Variants in CAMTA1 observed in about 807,000 individuals in gnomAD.
CAMTA1 encodes calmodulin-binding transcription activator 1.
Under a neutral mutation model 170.9 loss-of-function variants are expected in CAMTA1, and 27 were observed. That is an observed-to-expected ratio of 0.16 (90% CI 0.12 to 0.22). The LOEUF is 0.22. Among genes scored for constraint, CAMTA1 ranks in the 10% least tolerant of loss-of-function variants. The pLI, the probability that CAMTA1 is intolerant of heterozygous loss-of-function variation, is 1.00. For missense variants in CAMTA1, 1,619 were observed against 2,217.2 expected (o/e 0.73, Z 5.42); for synonymous variants, 833 against 891.5 (o/e 0.93, Z 1.17).
At chr1:6,959,194 G>A (rs953073638) in intron 3 of CAMTA1, among the ~76,000 whole-genome samples, 10 of 152,212 alleles carry the variant, frequency 6.6e-5, no homozygotes, top group African/African-American at 2.4e-4. Flanking sequence ...GATATCCAGG[G>A]GAAATCACAG....
rs920009216 is a variant in CAMTA1 at position 7,050,991 on chromosome 1, G to A, written c.235-40313G>A. 6.6e-6 allele frequency among the ~76,000 whole-genome samples: 1 copy of A among 152,198 alleles called. No individual in the cohort carries two copies. Among genetic ancestry groups the A allele is most frequent in the African/African-American group, 2.4e-5 (1 of 41,436 alleles). ...TGACTGTGCTGCCTCTTTCCGGGGT[G>A]TAATTTGAGTTTGCATGTGGAACGA... On this transcript the variant is annotated intron_variant, in intron 3 of 22. Coordinates refer to ENST00000303635, the MANE Select transcript of CAMTA1 (RefSeq NM_015215.4). This position sits in a 1 kb window ranked among gnomAD's most constrained non-coding sequence, Gnocchi z 4.8.
chr1:6,980,207 G>A (rs922950225), intron 3 of CAMTA1, among the ~76,000 whole-genome samples: 2 of 152,298 alleles, frequency 1.3e-5, no homozygotes, highest in Admixed American at 6.5e-5. Context: ...CCTACAAGTC[G>A]GGGTGGAGTC....
At position 7,014,182 on chromosome 1, in the gene CAMTA1, C is replaced by T. The variant is rs1037713558; in HGVS notation, c.235-77122C>T. The T allele has an allele frequency of 6.6e-6, 1 of 152,302 alleles. No individual in the cohort carries two copies. Among genetic ancestry groups the T allele is most frequent in the African/African-American group, 2.4e-5 (1 of 41,462 alleles). 9.4% of individuals were successfully genotyped at this position (152,302 alleles called of 1,614,324 possible). On this transcript the variant is annotated intron_variant, in intron 3 of 22. Coordinates refer to ENST00000303635, the MANE Select transcript of CAMTA1 (RefSeq NM_015215.4). This position sits in a 1 kb window ranked among gnomAD's most constrained non-coding sequence, Gnocchi z 4.2. Reference sequence around the variant, plus strand: ...CCCTCAGCCGTGGCAGAAGCCACAGCCTGGGTTTGGGGTACCCTGTCTGGC... The same window carrying T: ...CCCTCAGCCGTGGCAGAAGCCACAGTCTGGGTTTGGGGTACCCTGTCTGGC...
At chr1:7,132,460 A>G (rs1359499480) in intron 4 of CAMTA1, among the ~76,000 whole-genome samples, 1 of 152,196 alleles carries the variant, frequency 6.6e-6, no homozygotes, top group Non-Finnish European at 1.5e-5. Context: ...TTTTTTGTAA[A>G]GACAGGGTCT....
Position 7,585,763 on chromosome 1 carries a change from A to G in CAMTA1, c.511-54637A>G, listed in dbSNP as rs150015770. On this transcript the variant is annotated intron_variant, in intron 6 of 22. Coordinates refer to ENST00000303635, the MANE Select transcript of CAMTA1 (RefSeq NM_015215.4). This position sits in a 1 kb window ranked among gnomAD's most constrained non-coding sequence, Gnocchi z 4.8. ...ATCCTAGAGGGGGGCTCTCTTGTGG[A>G]CAGACAGGCCAGAGACACGGCTCAT... 5.4e-3 allele frequency among the ~76,000 whole-genome samples: 820 copies of G among 151,018 alleles called. 15 individuals are homozygous for G. The highest frequency in any genetic ancestry group is 0.019 in the African/African-American group (758 of 40,412).
chr1:7,081,692 G>C (rs1640030702), intron 3 of CAMTA1, among the ~76,000 whole-genome samples: 1 of 152,258 alleles, frequency 6.6e-6, no homozygotes, highest in Non-Finnish European at 1.5e-5. Flanking sequence ...AGGTTGAGGT[G>C]GTGGTCCTCT....
At chr1:7,612,482 G>A (rs2095530510) in intron 6 of CAMTA1, among the ~76,000 whole-genome samples, 1 of 152,200 alleles carries the variant, frequency 6.6e-6, no homozygotes. Flanking sequence ...CAGGATAGGA[G>A]GGCACGGTGG....
intron 6 of CAMTA1, among the ~76,000 whole-genome samples, chr1:7,540,433 A>G (rs1297454423): frequency 6.6e-6 from 1 of 151,920 alleles, no homozygotes; most frequent in African/African-American, 2.4e-5. Context: ...AAATCCTGCC[A>G]CCCCCCACCC....
At chr1:7,369,981 C>T (rs555978248) in intron 5 of CAMTA1, 1 of 152,418 alleles carries the variant, frequency 6.6e-6, no homozygotes, top group African/African-American at 2.4e-5. Context: ...CACCCCGGGT[C>T]AAGGTACTTC....
At chr1:7,029,375 G>A (rs1201760715) in intron 3 of CAMTA1, among the ~76,000 whole-genome samples, 1 of 151,556 alleles carries the variant, frequency 6.6e-6, no homozygotes, top group Non-Finnish European at 1.5e-5. Flanking sequence ...GGTGGCGGGT[G>A]CCTGTAGTCC....
intron 3 of CAMTA1, among the ~76,000 whole-genome samples, chr1:7,068,742 G>T (rs761571041): frequency 6.6e-6 from 1 of 152,090 alleles, no homozygotes; most frequent in Non-Finnish European, 1.5e-5. Flanking sequence ...AGTGGCAGGG[G>T]CCCTGCCAGC....
chr1:7,436,759 CGCCTCTGT>C (rs1300509888), intron 5 of CAMTA1, among the ~76,000 whole-genome samples: 3 of 152,176 alleles, frequency 2.0e-5, no homozygotes, highest in Non-Finnish European at 4.4e-5. Flanking sequence ...TGTAGTCCCT[CGCCTCTGT>C]ACCCTGGGAA....
At chr1:7,488,754 A>G (rs926604455) in intron 6 of CAMTA1, among the ~76,000 whole-genome samples, 4 of 152,188 alleles carry the variant, frequency 2.6e-5, no homozygotes, top group Admixed American at 1.3e-4. Flanking sequence ...ATATACACAT[A>G]CATGTACATA....
At chr1:6,840,287 G>A (rs556322214) in intron 3 of CAMTA1, among the ~76,000 whole-genome samples, 5 of 152,178 alleles carry the variant, frequency 3.3e-5, no homozygotes, top group African/African-American at 1.2e-4. Context: ...ATAATATGAA[G>A]CTTTATGTTC....
At chr1:6,857,419 T>G (rs1662847614) in intron 3 of CAMTA1, among the ~76,000 whole-genome samples, 1 of 152,184 alleles carries the variant, frequency 6.6e-6, no homozygotes, top group Non-Finnish European at 1.5e-5. Context: ...AAAAGTAAAA[T>G]AAGTTTGGAT....
At chr1:7,264,977 A>G (rs1668686492) in intron 5 of CAMTA1, among the ~76,000 whole-genome samples, 1 of 152,236 alleles carries the variant, frequency 6.6e-6, no homozygotes, top group Admixed American at 6.5e-5. Flanking sequence ...TGCTCTGAGT[A>G]GCAGTCGCGG....
chr1:7,137,619 C>G (rs746297658), intron 4 of CAMTA1, among the ~76,000 whole-genome samples: 7 of 152,212 alleles, frequency 4.6e-5, no homozygotes, highest in Non-Finnish European at 7.3e-5. Flanking sequence ...CTCCTGCTGG[C>G]CTGCTCTGCT....
chr1:7,419,871 G>A (rs1007042368), intron 5 of CAMTA1, among the ~76,000 whole-genome samples: 1 of 151,566 alleles, frequency 6.6e-6, no homozygotes. Flanking sequence ...GAGATCCTGC[G>A]GGCTCTTCCT....
intron 4 of CAMTA1, among the ~76,000 whole-genome samples, chr1:7,243,933 C>T (rs1442505334): frequency 6.6e-6 from 1 of 151,972 alleles, no homozygotes; most frequent in Non-Finnish European, 1.5e-5. Context: ...CAAAAGAAAC[C>T]ACCATCAGAG....
Sources: gnomAD v4.1 joint callset for allele counts (sites outside exome capture counted in the v4.1 genomes callset) on GRCh38, gnomAD v4.1.1 for gene constraint, Gnocchi (gnomAD v3.1) non-coding constraint, MANE v1.5 for transcripts, NCBI Gene and HGNC (gene_info 2026-07-23, HGNC 2026-07-21) for gene names.